Variants in DGKD observed in about 807,000 individuals in gnomAD.
DGKD encodes diacylglycerol kinase delta.
A neutral mutation model predicts 154.4 loss-of-function variants in DGKD; 68 were observed. The ratio of observed to expected loss-of-function variants is 0.44; its 90% confidence interval spans 0.36 to 0.54. The LOEUF (loss-of-function observed/expected upper bound fraction) is 0.54, where lower values mean the gene tolerates loss of function less well. Ranked by LOEUF, DGKD falls within the 20% of genes least tolerant of loss-of-function variation. The pLI is 0.00. For synonymous variants in DGKD, 693 were observed against 638.0 expected (o/e 1.09, Z -1.30); for missense variants, 1,343 against 1,593.6 (o/e 0.84, Z 2.68).
At chr2:233,379,830 C>A (rs1421361467) in intron 1 of DGKD, 1 of 152,012 alleles carries the variant, frequency 6.6e-6, no homozygotes, top group African/African-American at 2.4e-5. Flanking sequence ...ATTTTAATAA[C>A]CTGTATTTTG....
At chr2:233,372,460 G>A (rs1459821136) in intron 1 of DGKD, among the ~76,000 whole-genome samples, 1 of 151,924 alleles carries the variant, frequency 6.6e-6, no homozygotes, top group Non-Finnish European at 1.5e-5. Flanking sequence ...AAATGGACTA[G>A]TACTCAGAAG....
At position 233,458,787 on chromosome 2, in the gene DGKD, C is replaced by T. The variant is rs28562308; in HGVS notation, c.2694+390C>T. On this transcript the variant is annotated intron_variant, in intron 22 of 29. Coordinates refer to ENST00000264057, the MANE Select transcript of DGKD (RefSeq NM_152879.3). This position sits in a 1 kb window ranked among gnomAD's most constrained non-coding sequence, Gnocchi z 6.6. ...CCACCATTCCCAGCTAATTTTTGTA[C>T]TTCACCATGTTGGCCAGGCTGGTCT... Among the ~76,000 whole-genome samples the T allele has an allele frequency of 0.3, 45,267 of 151,650 alleles. 9,517 individuals are homozygous for T. Among genetic ancestry groups the T allele is most frequent in the African/African-American group, 0.61 (25,068 of 41,314 alleles).
At position 233,374,038 on chromosome 2, in the gene DGKD, G is replaced by GT. The variant is rs902405152; in HGVS notation, c.157-14211dup. 6.6e-5 allele frequency among the ~76,000 whole-genome samples: 10 copies of GT among 151,156 alleles called. No individual in the cohort carries two copies. In the East Asian group the frequency reaches 9.7e-4, roughly 15 times the overall value. Reference sequence around the variant, plus strand: ...GTTTAATTTTTTTTTTTTACACAGGGTTTTTTTTGTTTTTGTTTGTTTGTT... The same window carrying GT: ...GTTTAATTTTTTTTTTTTACACAGGGTTTTTTTTTGTTTTTGTTTGTTTGTT... On this transcript the variant is annotated intron_variant, in intron 1 of 29. Coordinates refer to ENST00000264057, the MANE Select transcript of DGKD (RefSeq NM_152879.3).
In DGKD at chr2:233,449,385, C is replaced by A. The variant is rs1171561678; in HGVS notation, c.1888+9C>A. ...AGAACACACAGAAAAAGGTAACTGG[C>A]CTTGTGATGAGGAGGGGCTTTCCTC... On this transcript the variant is annotated intron_variant, in intron 15 of 29. Transcript: ENST00000264057. The surrounding 1 kb of genome is among the most constrained non-coding windows in gnomAD (Gnocchi z 5.3). 1 of 1,587,444 alleles carries A rather than the reference C, an allele frequency of 6.3e-7. No homozygotes were observed. The highest frequency in any genetic ancestry group is 8.6e-7 in the Non-Finnish European group (1 of 1,159,468).
intron 1 of DGKD, among the ~76,000 whole-genome samples, chr2:233,362,583 G>A (rs539593176): frequency 6.6e-6 from 1 of 152,270 alleles, no homozygotes; most frequent in South Asian, 2.1e-4. Flanking sequence ...CCTGGGAAGT[G>A]GAAGTTGCAG....
chr2:233,431,934 C>T (rs915476636), intron 3 of DGKD, among the ~76,000 whole-genome samples: 33 of 152,176 alleles, frequency 2.2e-4, no homozygotes, highest in Non-Finnish European at 4.7e-4. Flanking sequence ...CCCACAAGCA[C>T]AGGCAACCAA....
intron 5 of DGKD, 80 bp downstream of exon 5, chr2:233,434,981 G>A (rs2062641687): frequency 2.6e-6 from 4 of 1,543,688 alleles, no homozygotes; most frequent in Admixed American, 1.8e-5. Context: ...TCCAAACCCA[G>A]TCACCATAAA....
At position 233,438,217 on chromosome 2, in the gene DGKD, G is replaced by A; in HGVS notation, c.923G>A (p.Gly308Glu). 1 of 1,613,750 alleles carries A rather than the reference G, an allele frequency of 6.2e-7. No homozygotes were observed. The highest frequency in any genetic ancestry group is 8.5e-7 in the Non-Finnish European group (1 of 1,179,864). ...TTCTTCTGTTCGTTCTTGCGTCCAG[G>A]GTTCTGGAAGGCCAGCTGTCCTCCT... ...PTALNSIDSD[G>E]FWKASCPPSC... is the part of the protein sequence containing the mutation. Residue 308 changes from glycine (G) to glutamate (E), a missense_variant and splice_region_variant, in exon 9 of 30, where the codon GGG becomes GAG. By Grantham distance (98) the Gly-to-Glu change is moderately conservative. Around this residue, in one of 6 missense-constraint regions of DGKD, gnomAD observed 332 missense variants for 400.1 expected, o/e 0.83. Transcript: ENST00000264057. The surrounding 1 kb of genome is among the most constrained non-coding windows in gnomAD (Gnocchi z 4.1).
intron 3 of DGKD, chr2:233,429,081 A>G (rs901013223): frequency 1.6e-5 from 16 of 981,662 alleles, no homozygotes; most frequent in African/African-American, 1.1e-4. Context: ...AATACCCACA[A>G]AGCAATTCTA....
At chr2:233,393,354 TGAG>T (rs1703767492) in intron 3 of DGKD, among the ~76,000 whole-genome samples, 1 of 115,298 alleles carries the variant, frequency 8.7e-6, no homozygotes. Flanking sequence ...TTTTTTTTTT[TGAG>T]ACAGGGTCTT....
At chr2:233,386,598 G>T (rs1703193584) in intron 1 of DGKD, among the ~76,000 whole-genome samples, 1 of 152,154 alleles carries the variant, frequency 6.6e-6, no homozygotes, top group South Asian at 2.1e-4. Flanking sequence ...AGCGTCATCA[G>T]AATGCTTGAT....
chr2:233,371,937 GAGAC>G (rs752314272), intron 1 of DGKD, among the ~76,000 whole-genome samples: 10 of 152,224 alleles, frequency 6.6e-5, no homozygotes, highest in Non-Finnish European at 1.3e-4. Context: ...GTATGGTTAT[GAGAC>G]ATTTACATAT....
At chr2:233,450,861 C>G in intron 16 of DGKD, 61 bp from the exon 17 acceptor site, 1 of 1,557,644 alleles carries the variant, frequency 6.4e-7, no homozygotes, top group Admixed American at 1.7e-5. Context: ...GCTAAGGACC[C>G]CCCAGGATTT....
rs778819654 is a variant in DGKD, at chr2:233,462,695, G to A, written c.3146G>A (p.Arg1049His). ...ATGGTGAATAACTTCAGAGCTCTGC[G>A]CAGTGAGACGGAGCTGCTGCTGTCT... ...LEMVNNFRAL[R>H]SETELLLSGK... Residue 1049 changes from arginine to histidine, a missense_variant, in exon 26 of 30, where the codon CGC (arginine) becomes CAC (histidine). Transcript: ENST00000264057. The A allele has an allele frequency of 2.7e-5, 44 of 1,613,960 alleles. No individual in the cohort carries two copies. The highest frequency in any genetic ancestry group is 8.8e-5 in the South Asian group (8 of 91,094).
rs542787940 is a variant in DGKD at position 233,451,009 on chromosome 2, G to A, written c.2126G>A (p.Arg709Gln). 1.9e-5 allele frequency: 30 copies of A among 1,612,318 alleles called. No homozygotes were observed. Among genetic ancestry groups the A allele is most frequent in the Admixed American group, 3.3e-5 (2 of 59,998 alleles). The stretch of plus-strand genomic sequence containing the variant: ...TCCCTTCCGCCCCAGCCGGGAAGCC[G>A]GGACGGCCTGCCTGCGCTCAACACC... The part of the protein sequence containing the change: ...SASLPPQPGS[R>Q]DGLPALNTKI... Residue 709 changes from arginine (R) to glutamine (Q), a missense_variant, in exon 17 of 30, where the codon CGG becomes CAG. This residue lies in a region of DGKD where 409 missense variants were observed against 446.0 expected (regional missense o/e 0.92). Transcript: ENST00000264057.
intron 3 of DGKD, among the ~76,000 whole-genome samples, chr2:233,412,050 G>A (rs867969864): frequency 2.6e-5 from 4 of 152,140 alleles, no homozygotes; most frequent in Admixed American, 2.6e-4. Flanking sequence ...GTTGAAATTA[G>A]AGTCATCTTT....
chr2:233,460,491 C>T (rs2063594778), intron 24 of DGKD, 146 bp downstream of exon 24: 8 of 1,076,130 alleles, frequency 7.4e-6, no homozygotes, highest in Non-Finnish European at 1.1e-5. Flanking sequence ...TGTTTATGTG[C>T]CCTCAGCTCT....
chr2:233,439,337 T>C (rs1391947932), intron 9 of DGKD, among the ~76,000 whole-genome samples: 1 of 152,184 alleles, frequency 6.6e-6, no homozygotes, highest in Non-Finnish European at 1.5e-5. Flanking sequence ...GTCCTTGGCG[T>C]ACATGCCAGG....
Position 233,466,995 on chromosome 2 carries a change from T to C in DGKD, c.3307-91T>C, listed in dbSNP as rs565171472. ...TCCCAGCTCCCGCTCATCTCAGCCC[T>C]GCCTGCCCTCCCAGCCTCTCTGGTG... On this transcript the variant is annotated intron_variant, in intron 27 of 29. Coordinates refer to ENST00000264057, the MANE Select transcript of DGKD (RefSeq NM_152879.3). 232 of 1,022,270 alleles carry C rather than the reference T, an allele frequency of 2.3e-4. No individual in the cohort carries two copies. The African/African-American group carries it at 3.4e-3, about 15-fold the overall frequency. 63.3% of individuals were successfully genotyped at this position (1,022,270 alleles called of 1,614,324 possible). A position where few individuals can be genotyped will look rare whatever the true frequency, so the allele number is the denominator to read the frequency against.
Sources: gnomAD v4.1 joint callset for allele counts (sites outside exome capture counted in the v4.1 genomes callset) on GRCh38, gnomAD v4.1.1 for gene constraint, gnomAD v4.1.1 regional missense constraint, Gnocchi (gnomAD v3.1) non-coding constraint, MANE v1.5 for transcripts, NCBI Gene and HGNC (gene_info 2026-07-23, HGNC 2026-07-21) for gene names.